Variants in PRKG1 observed in about 807,000 individuals in gnomAD.
The protein encoded by PRKG1 is cGMP-dependent protein kinase 1.
In PRKG1, 35 loss-of-function variants were observed where a neutral mutation model predicts 88.1. The ratio of observed to expected loss-of-function variants is 0.40; its 90% CI spans 0.30 to 0.53. The LOEUF is 0.53. Among genes scored for constraint, PRKG1 ranks in the 20% least tolerant of loss-of-function variants. The pLI is 0.59. For synonymous variants in PRKG1, 303 were observed against 292.5 expected (o/e 1.04, Z -0.37); for missense variants, 540 against 839.8 (o/e 0.64, Z 4.41).
chr10:51,207,523 C>T (rs1029723644), intron 2 of PRKG1, among the ~76,000 whole-genome samples: 8 of 151,930 alleles, frequency 5.3e-5, no homozygotes, highest in Non-Finnish European at 5.9e-5. Flanking sequence ...TTAATTCTCT[C>T]GGGCTTGTGG....
intron 9 of PRKG1, among the ~76,000 whole-genome samples, chr10:52,228,277 A>T (rs1028515985): frequency 2.1e-4 from 30 of 145,040 alleles, no homozygotes; most frequent in Admixed American, 4.8e-4. Context: ...TTCAACAGGA[A>T]GTAAAAAGAA....
intron 6 of PRKG1, among the ~76,000 whole-genome samples, chr10:52,061,346 A>C (rs1846230481): frequency 6.6e-6 from 1 of 152,074 alleles, no homozygotes. Flanking sequence ...CTTGAAGCAC[A>C]GTATTATTAA....
chr10:51,462,565 A>G (rs1004458590), intron 2 of PRKG1, among the ~76,000 whole-genome samples: 5 of 152,162 alleles, frequency 3.3e-5, no homozygotes, highest in African/African-American at 9.7e-5. Flanking sequence ...CAAAAACCAG[A>G]TGATTGATTG....
chr10:52,069,638 A>T (rs11000690), intron 7 of PRKG1, among the ~76,000 whole-genome samples: 26,327 of 152,182 alleles, frequency 0.17, 2,878 homozygotes, highest in South Asian at 0.28. Flanking sequence ...ATTTATTTAT[A>T]TAGAAGTAAA....
intron 3 of PRKG1, among the ~76,000 whole-genome samples, chr10:51,796,648 C>T (rs1214674758): frequency 6.6e-6 from 1 of 152,028 alleles, no homozygotes; most frequent in Non-Finnish European, 1.5e-5. Flanking sequence ...TTTGACTGGG[C>T]TAAGGGATAC....
intron 3 of PRKG1, among the ~76,000 whole-genome samples, chr10:51,513,059 A>C (rs1041633293): frequency 4.6e-5 from 7 of 151,392 alleles, no homozygotes; most frequent in African/African-American, 1.7e-4. Flanking sequence ...TTTTTCTTGT[A>C]AATTTGTTTG....
At chr10:51,433,727 T>G (rs1838840489) in intron 2 of PRKG1, among the ~76,000 whole-genome samples, 1 of 152,116 alleles carries the variant, frequency 6.6e-6, no homozygotes, top group African/African-American at 2.4e-5. Context: ...TAGTGACAAT[T>G]GTGTGGGAGC....
At chr10:52,051,986 C>T (rs902409629) in intron 5 of PRKG1, among the ~76,000 whole-genome samples, 22 of 152,082 alleles carry the variant, frequency 1.4e-4, no homozygotes, top group Non-Finnish European at 2.2e-4. Flanking sequence ...TCTCCTCTCC[C>T]GCTTGTCCCA....
intron 7 of PRKG1, among the ~76,000 whole-genome samples, chr10:52,117,181 T>TGTGTGG (rs1847709155): frequency 6.8e-6 from 1 of 147,408 alleles, no homozygotes; most frequent in Admixed American, 6.7e-5. Flanking sequence ...TGTGTGTGTG[T>TGTGTGG]GTGTGTGTGT....
chr10:52,102,590 C>CAA (rs34379591), intron 7 of PRKG1, among the ~76,000 whole-genome samples: 2,602 of 111,974 alleles, frequency 0.023, 62 homozygotes, highest in African/African-American at 0.043. Flanking sequence ...GTGGATATGG[C>CAA]AAAAAAAAGA....
chr10:51,235,097 C>T (rs559514923), intron 2 of PRKG1, among the ~76,000 whole-genome samples: 1 of 152,240 alleles, frequency 6.6e-6, no homozygotes, highest in African/African-American at 2.4e-5. Context: ...AATTATTCTT[C>T]CTAAGAACGA....
intron 4 of PRKG1, among the ~76,000 whole-genome samples, chr10:51,888,592 G>A (rs1479568118): frequency 1.3e-5 from 2 of 152,158 alleles, no homozygotes; most frequent in Non-Finnish European, 2.9e-5. Context: ...CTAGAGCAAA[G>A]GAGACAAACA....
At chr10:51,140,503 G>A (rs1845794659) in intron 1 of PRKG1, among the ~76,000 whole-genome samples, 1 of 152,166 alleles carries the variant, frequency 6.6e-6, no homozygotes, top group Non-Finnish European at 1.5e-5. Context: ...GGTCTGGGGT[G>A]GAAGTTAAAT....
At chr10:52,067,647 A>T (rs1374841285) in intron 7 of PRKG1, among the ~76,000 whole-genome samples, 1 of 152,206 alleles carries the variant, frequency 6.6e-6, no homozygotes, top group Non-Finnish European at 1.5e-5. Flanking sequence ...TCTTATTATT[A>T]GAAAAATTTG....
chr10:52,184,368 T>C (rs995077846), intron 9 of PRKG1, among the ~76,000 whole-genome samples: 1 of 152,198 alleles, frequency 6.6e-6, no homozygotes, highest in Non-Finnish European at 1.5e-5. Flanking sequence ...TAAAACACTC[T>C]CATCCATATC....
intron 2 of PRKG1, among the ~76,000 whole-genome samples, chr10:51,364,348 A>G (rs969612293): frequency 3.4e-4 from 52 of 152,084 alleles, no homozygotes; most frequent in African/African-American, 1.2e-3. Flanking sequence ...ATATACAAAT[A>G]TCTGGTTTGG....
At chr10:51,375,180 G>C (rs1156289043) in intron 2 of PRKG1, among the ~76,000 whole-genome samples, 1 of 152,204 alleles carries the variant, frequency 6.6e-6, no homozygotes, top group East Asian at 1.9e-4. Context: ...GGTCATCTTA[G>C]AGTCTATCTG....
At chr10:51,383,673 A>G (rs1037549804) in intron 2 of PRKG1, among the ~76,000 whole-genome samples, 1 of 152,152 alleles carries the variant, frequency 6.6e-6, no homozygotes, top group African/African-American at 2.4e-5. Flanking sequence ...AAAGCTCCTC[A>G]TGTAACCATG....
At chr10:52,257,815 A>G (rs1289808312) in intron 10 of PRKG1, among the ~76,000 whole-genome samples, 1 of 139,830 alleles carries the variant, frequency 7.2e-6, no homozygotes, top group Non-Finnish European at 1.6e-5. Context: ...TAAGTTCTTC[A>G]GAGAACTAAT....
Sources: gnomAD v4.1 joint callset for allele counts (sites outside exome capture counted in the v4.1 genomes callset) on GRCh38, gnomAD v4.1.1 for gene constraint, MANE v1.5 for transcripts, NCBI Gene and HGNC (gene_info 2026-07-23, HGNC 2026-07-21) for gene names.